Variants in MGAM observed in about 807,000 individuals in gnomAD.
The protein encoded by MGAM is maltase-glucoamylase, also known as alpha-1,4-glucosidase.
MGAM carries 253 observed loss-of-function variants against 358.8 expected under a neutral mutation model. The observed-to-expected ratio is 0.71, with a 90% CI of 0.64 to 0.78. The LOEUF is 0.78. Among genes scored for constraint, MGAM ranks in the 30% least tolerant of loss-of-function variants. MGAM has a pLI of 0.00. For synonymous variants in MGAM, 1,105 were observed against 1,227.1 expected, an observed-to-expected ratio of 0.90 and a Z score of 2.08; for missense variants, 3,080 against 3,432.6, an observed-to-expected ratio of 0.90 and a Z score of 2.57.
In MGAM at chr7:142,045,849, T is replaced by C. The variant is rs1371459806; in HGVS notation, c.2499-1936T>C. On this transcript the variant is annotated intron_variant, in intron 21 of 70. Transcript: ENST00000475668. Reference sequence around the variant, plus strand: ...ATATATTATATATACATACAATATGTAATATATATATTATATATACATACA... The same window carrying C: ...ATATATTATATATACATACAATATGCAATATATATATTATATATACATACA... 8.3e-5 allele frequency among the ~76,000 whole-genome samples: 10 copies of C among 120,012 alleles called. 1 individual carries two copies. Among genetic ancestry groups the C allele is most frequent in the African/African-American group, 3.4e-4 (10 of 29,300 alleles). 78.7% of individuals were successfully genotyped at this position (120,012 alleles called of 152,430 possible). A position where few individuals can be genotyped will look rare whatever the true frequency, so the allele number is the denominator to read the frequency against.
At chr7:142,041,651 T>C (rs527657138) in intron 21 of MGAM, among the ~76,000 whole-genome samples, 28 of 151,326 alleles carry the variant, frequency 1.9e-4, no homozygotes, top group Non-Finnish European at 3.5e-4. Flanking sequence ...CACCTTCATG[T>C]ACATACAGAC....
chr7:142,045,187 GAT>G (rs1166769929), intron 21 of MGAM, among the ~76,000 whole-genome samples: 2,915 of 69,560 alleles, frequency 0.042, 158 homozygotes, highest in Middle Eastern at 0.058. Context: ...TAACATATAT[GAT>G]ATATAATATA....
chr7:142,074,155 G>T lies in MGAM; in HGVS notation c.5257G>T (p.Asp1753Tyr). The stretch of plus-strand genomic sequence containing the variant: ...AGAAGCAAAAGGAGAACTTTTCTGG[G>T]ATGATGGGCAAACAAAGGGTGAGCG... ...NKEAKGELFW[D>Y]DGQTKDTVAK... Residue 1753 changes from aspartate (D) to tyrosine (Y), a missense_variant, in exon 45 of 71, where the codon GAT (aspartate) becomes TAT (tyrosine). This residue lies in a region of MGAM where 932 missense variants were observed against 1,198.2 expected (regional missense o/e 0.78). Coordinates refer to ENST00000475668, the MANE Select transcript of MGAM (RefSeq NM_001365693.1). The T allele has an allele frequency of 6.5e-7, 1 of 1,539,422 alleles. No individual in the cohort carries two copies. The highest frequency in any genetic ancestry group is 8.9e-7 in the Non-Finnish European group (1 of 1,123,222).
chr7:142,081,595 G>A lies in MGAM; in HGVS notation c.6003-447G>A, dbSNP rs186366256. Among the ~76,000 whole-genome samples, 4 of 146,236 alleles carry A rather than the reference G, an allele frequency of 2.7e-5. 1 individual carries two copies. In the South Asian group the frequency reaches 6.6e-4, roughly 24 times the overall value. On this transcript the variant is annotated intron_variant, in intron 50 of 70. Transcript: ENST00000475668. ...TGCTGGGAGAGGAAGCTGCAACGCC[G>A]GTTGAGGGGGCAGCTTCAGCCTTGA...
chr7:142,095,790 A>G, intron 64 of MGAM, 77 bp downstream of exon 64: 2 of 1,575,726 alleles, frequency 1.3e-6, no homozygotes, highest in Non-Finnish European at 1.7e-6. Flanking sequence ...AATTCTTCCA[A>G]ATTAAAGACA....
At chr7:142,081,892 A>C (rs991938692) in intron 50 of MGAM, 150 bp from the exon 51 acceptor site, 9 of 831,806 alleles carry the variant, frequency 1.1e-5, no homozygotes, top group Non-Finnish European at 1.5e-5. Flanking sequence ...GATATCTATG[A>C]TATTTTAATC....
intron 45 of MGAM, 68 bp downstream of exon 45, chr7:142,074,241 G>C: frequency 9.0e-7 from 1 of 1,106,106 alleles, no homozygotes; most frequent in Non-Finnish European, 1.3e-6. Flanking sequence ...CTTCACTCCT[G>C]CTGGTCATTC....
In MGAM at chr7:142,027,685, G is replaced by A. The variant is rs184092742; in HGVS notation, c.1171G>A (p.Asp391Asn). 8,200 of 1,613,500 alleles carry A rather than the reference G, an allele frequency of 5.1e-3. 35 individuals carry two copies. Among genetic ancestry groups the A allele is most frequent in the Admixed American group, 6.5e-3 (388 of 59,986 alleles). Residue 391 changes from aspartate to asparagine, a missense_variant, in exon 10 of 71, where the codon GAC becomes AAC. Around this residue, in one of 5 missense-constraint regions of MGAM, gnomAD observed 1,816 missense variants for 1,840.5 expected, o/e 0.99. Coordinates refer to ENST00000475668, the MANE Select transcript of MGAM (RefSeq NM_001365693.1). ...CAGTCGTTACGAATATGGAACCTTAGACAACATGAGGGAAGTCGTGGAGAG... is the reference window on the plus strand; with the variant it reads ...CAGTCGTTACGAATATGGAACCTTAAACAACATGAGGGAAGTCGTGGAGAG... ...HLSRYEYGTL[D>N]NMREVVERNR...
chr7:142,041,996 ATAT>A (rs1165483408), intron 21 of MGAM, among the ~76,000 whole-genome samples: 229 of 14,346 alleles, frequency 0.016, 12 homozygotes, highest in African/African-American at 0.055. Context: ...TAATATATAT[ATAT>A]TATATATATA....
chr7:142,100,375 A>G (rs1375372038), intron 67 of MGAM, among the ~76,000 whole-genome samples: 4 of 152,238 alleles, frequency 2.6e-5, no homozygotes, highest in Non-Finnish European at 5.9e-5. Flanking sequence ...TCTGGTATCA[A>G]TACTAACATT....
intron 2 of MGAM, among the ~76,000 whole-genome samples, chr7:141,989,889 C>T (rs1160052512): frequency 6.6e-6 from 1 of 152,214 alleles, no homozygotes; most frequent in African/African-American, 2.4e-5. Flanking sequence ...TAGTTAATTA[C>T]TGGTAAAATC....
At position 142,086,257 on chromosome 7, in the gene MGAM, G is replaced by C; in HGVS notation, c.6676G>C (p.Ala2226Pro). The C allele has an allele frequency of 3.2e-6, 5 of 1,544,264 alleles. No homozygotes were observed. The highest frequency in any genetic ancestry group is 4.4e-6 in the Non-Finnish European group (5 of 1,126,022). The change falls in exon 56 of 71, where the codon GCC becomes CCC. Residue 2226 changes from alanine (A) to proline (P), a missense_variant. Around this residue, in one of 5 missense-constraint regions of MGAM, gnomAD observed 932 missense variants for 1,198.2 expected, o/e 0.78. Transcript: ENST00000475668. The stretch of plus-strand genomic sequence containing the variant: ...TGGCAATGAGACACAGCCCTATCCT[G>C]CCTTCACTCGGGGCGTGGAGGATGA... ...ISGNETQPYP[A>P]FTRGVEDDVF...
At chr7:142,042,190 AT>A (rs1808888951) in intron 21 of MGAM, among the ~76,000 whole-genome samples, 2 of 2,460 alleles carry the variant, frequency 8.1e-4, no homozygotes, top group Non-Finnish European at 1.2e-3. Flanking sequence ...CATATTATAT[AT>A]ACATATAATA....
chr7:142,066,987 G>A lies in MGAM; in HGVS notation c.4919+266G>A, dbSNP rs62477627. Among the ~76,000 whole-genome samples, 1,177 of 146,362 alleles carry A rather than the reference G, an allele frequency of 8.0e-3. 202 individuals carry two copies. Among genetic ancestry groups the A allele is most frequent in the Non-Finnish European group, 0.014 (882 of 64,570 alleles). ...TTCATTCTAATTTGGTTGTGCAAAGGCCTATCTTATGTAGCAGTTTTGTTA... is the reference window on the plus strand; with the variant it reads ...TTCATTCTAATTTGGTTGTGCAAAGACCTATCTTATGTAGCAGTTTTGTTA... On this transcript the variant is annotated intron_variant, in intron 41 of 70. Coordinates refer to ENST00000475668, the MANE Select transcript of MGAM (RefSeq NM_001365693.1).
chr7:142,086,520 TTC>T lies in MGAM; in HGVS notation c.6748-131_6748-130del. The stretch of plus-strand genomic sequence containing the variant: ...TAATATAATGTGTTACGGAATTCAC[TTC>T]TCTTTTACATCAATCCTACATGATA... On this transcript the variant is annotated intron_variant, in intron 56 of 70. Transcript: ENST00000475668. The T allele has an allele frequency of 3.4e-6, 2 of 596,014 alleles. 1 individual carries two copies. Among genetic ancestry groups the T allele is most frequent in the South Asian group, 4.3e-5 (2 of 46,684 alleles). The allele number at this position is 596,014 out of a possible 1,614,324, so 36.9% of individuals were successfully genotyped here. A position where few individuals can be genotyped will look rare whatever the true frequency, so the allele number is the denominator to read the frequency against.
rs751384794 is a variant in MGAM, at chr7:142,024,580, G to A, written c.883-470G>A. Among the ~76,000 whole-genome samples, 4 of 152,120 alleles carry A rather than the reference G, an allele frequency of 2.6e-5. No homozygotes were observed. The South Asian group carries it at 8.3e-4, about 32-fold the overall frequency. On this transcript the variant is annotated intron_variant, in intron 7 of 70. Coordinates refer to ENST00000475668, the MANE Select transcript of MGAM (RefSeq NM_001365693.1). Reference sequence around the variant, plus strand: ...ACAGCCATGTCTGCTTCTACCTCTAGGGATTCTGTTTTAATTGGTCTGGGG... The same window carrying A: ...ACAGCCATGTCTGCTTCTACCTCTAAGGATTCTGTTTTAATTGGTCTGGGG...
chr7:142,034,342 A>T lies in MGAM; in HGVS notation c.1750A>T (p.Asn584Tyr). ...CTGGGGCAAGCAGTATGACATTCACAATCTGTATGGCTACTCCATGGCGGT... is the reference window on the plus strand; with the variant it reads ...CTGGGGCAAGCAGTATGACATTCACTATCTGTATGGCTACTCCATGGCGGT... The part of the protein sequence containing the change: ...QHWGKQYDIH[N>Y]LYGYSMAVAT... Residue 584 changes from asparagine to tyrosine, a missense_variant, in exon 15 of 71, where the codon AAT (asparagine) becomes TAT (tyrosine). Asn to Tyr is a moderately radical substitution (Grantham distance 143). Transcript: ENST00000475668. 6.3e-7 allele frequency: 1 copy of T among 1,594,988 alleles called. No homozygotes were observed. The highest frequency in any genetic ancestry group is 2.3e-5 in the East Asian group (1 of 44,006).
chr7:142,017,861 C>A (rs565822394), intron 3 of MGAM, among the ~76,000 whole-genome samples: 1 of 152,186 alleles, frequency 6.6e-6, no homozygotes, highest in Admixed American at 6.5e-5. Flanking sequence ...TGAAAATGTG[C>A]TTAGAGATAC....
intron 57 of MGAM, among the ~76,000 whole-genome samples, chr7:142,091,452 C>T (rs1279779300): frequency 6.9e-6 from 1 of 145,900 alleles, no homozygotes; most frequent in African/African-American, 2.4e-5. Context: ...GGTCTTATAT[C>T]CTGAAATGTA....
Sources: allele counts gnomAD v4.1 joint callset (sites outside exome capture counted in the v4.1 genomes callset), GRCh38; gene constraint gnomAD v4.1.1; regional missense constraint gnomAD v4.1.1; transcripts MANE v1.5; gene names NCBI Gene and HGNC (gene_info 2026-07-23, HGNC 2026-07-21).